The following BNC2 variants were observed in gnomAD, a reference collection of about 807,000 sequenced individuals.
The protein encoded by BNC2 is basonuclin zinc finger protein 2.
Under a neutral mutation model 76.3 loss-of-function variants are expected in BNC2, and 20 were observed. The observed-to-expected ratio is 0.26, with a 90% CI of 0.18 to 0.38. BNC2 has a LOEUF of 0.38. Ranked by LOEUF, BNC2 falls within the 10% of genes least tolerant of loss-of-function variation. The pLI is 1.00. For synonymous variants in BNC2, 582 were observed against 514.8 expected (o/e 1.13, Z -1.77); for missense variants, 1,382 against 1,399.8 (o/e 0.99, Z 0.20).
At chr9:16,788,647 C>G (rs1384077750) in intron 1 of BNC2, among the ~76,000 whole-genome samples, 1 of 151,468 alleles carries the variant, frequency 6.6e-6, no homozygotes, top group Non-Finnish European at 1.5e-5. Flanking sequence ...GGAGCAAATT[C>G]TTGGTGGTGA....
At chr9:16,539,758 GGAAAGGAAAAGAAAGGA>G (rs1563830984) in intron 5 of BNC2, among the ~76,000 whole-genome samples, 38 of 86,114 alleles carry the variant, frequency 4.4e-4, no homozygotes, top group African/African-American at 8.1e-4. Context: ...GGGAAGGAAA[GGAAAGGAAAAGAAAGGA>G]AAGGAAAGGA....
intron 5 of BNC2, among the ~76,000 whole-genome samples, chr9:16,479,756 GCATTT>G (rs779655082): frequency 6.7e-5 from 10 of 149,446 alleles, no homozygotes; most frequent in African/African-American, 2.5e-4. Context: ...AATTTTGCTT[GCATTT>G]AAGATCTGAC....
intron 3 of BNC2, among the ~76,000 whole-genome samples, chr9:16,629,959 C>A (rs1286812218): frequency 6.6e-6 from 1 of 152,142 alleles, no homozygotes; most frequent in Admixed American, 6.5e-5. Flanking sequence ...CTCTTCCATT[C>A]AGAAAAGATT....
intron 4 of BNC2, among the ~76,000 whole-genome samples, chr9:16,553,101 G>C (rs541513482): frequency 1.3e-5 from 2 of 152,078 alleles, no homozygotes; most frequent in Admixed American, 6.6e-5. Context: ...TTTGTTAACT[G>C]AACTGTGTTT....
intron 3 of BNC2, among the ~76,000 whole-genome samples, chr9:16,603,325 C>T (rs182744295): frequency 6.6e-6 from 1 of 152,144 alleles, no homozygotes; most frequent in Non-Finnish European, 1.5e-5. Context: ...TAATGTTATA[C>T]AAGAAAACTT....
chr9:16,794,496 T>G (rs1436618924), intron 1 of BNC2, among the ~76,000 whole-genome samples: 1 of 152,190 alleles, frequency 6.6e-6, no homozygotes, highest in Non-Finnish European at 1.5e-5. Context: ...TTCACCTCAA[T>G]TATTCTAAAA....
In BNC2 at chr9:16,663,130, C is replaced by CTTTTTTTTTTTTTTTTTTTT. The variant is rs71325979; in HGVS notation, c.330+64666_330+64667insAAAAAAAAAAAAAAAAAAAA. ...CCATAGGCACTCCACTCTGTTTACT[C>CTTTTTTTTTTTTTTTTTTTT]TTTTTTTTTTTTTTTTGGAGACGGA... On this transcript the variant is annotated intron_variant, in intron 3 of 6. Transcript: ENST00000380672. Among the ~76,000 whole-genome samples, 58 of 99,602 alleles carry CTTTTTTTTTTTTTTTTTTTT rather than the reference C, an allele frequency of 5.8e-4. 3 individuals are homozygous for CTTTTTTTTTTTTTTTTTTTT. Among genetic ancestry groups the CTTTTTTTTTTTTTTTTTTTT allele is most frequent in the African/African-American group, 1.6e-3 (45 of 27,940 alleles). 65.3% of individuals were successfully genotyped at this position (99,602 alleles called of 152,430 possible).
rs866176261 is a variant in BNC2 at position 16,795,399 on chromosome 9, T to A, written c.4-56914A>T. Reference sequence around the variant, plus strand: ...TAATTCTGGCTTTTTTTTTTTTTTTTAAACACACTCCAGAAGTCATTGCAA... The same window carrying A: ...TAATTCTGGCTTTTTTTTTTTTTTTAAAACACACTCCAGAAGTCATTGCAA... On this transcript the variant is annotated intron_variant, in intron 1 of 6. Transcript: ENST00000380672. Among the ~76,000 whole-genome samples, 151 of 125,060 alleles carry A rather than the reference T, an allele frequency of 1.2e-3. 1 individual carries two copies. In the South Asian group the frequency reaches 0.018, roughly 15 times the overall value. 82.0% of individuals were successfully genotyped at this position (125,060 alleles called of 152,430 possible). A position where few individuals can be genotyped will look rare whatever the true frequency, so the allele number is the denominator to read the frequency against.
At chr9:16,790,833 T>TTC (rs1817484473) in intron 1 of BNC2, among the ~76,000 whole-genome samples, 1 of 151,368 alleles carries the variant, frequency 6.6e-6, no homozygotes, top group African/African-American at 2.4e-5. Context: ...TTTTTTTTTT[T>TTC]TTTAAGAATG....
Position 16,468,384 on chromosome 9 carries a change from ATCTT to A in BNC2, c.670-30864_670-30861del, listed in dbSNP as rs550495471. The stretch of plus-strand genomic sequence containing the variant: ...TTCTGCTAGGTATTTTATATGCAGT[ATCTT>A]TATTTTTTTTTATTTTTTATTTTTT... On this transcript the variant is annotated intron_variant, in intron 5 of 6. Transcript: ENST00000380672. Among the ~76,000 whole-genome samples, 137 of 151,660 alleles carry A rather than the reference ATCTT, an allele frequency of 9.0e-4. 1 individual carries two copies. The highest frequency in any genetic ancestry group is 1.6e-3 in the Non-Finnish European group (108 of 67,892).
At chr9:16,445,769 C>T (rs1020075803) in intron 5 of BNC2, among the ~76,000 whole-genome samples, 4 of 152,156 alleles carry the variant, frequency 2.6e-5, no homozygotes, top group African/African-American at 7.2e-5. Context: ...AATATGCTTT[C>T]CTCATCCACC....
chr9:16,785,165 C>A (rs570876961), intron 1 of BNC2, among the ~76,000 whole-genome samples: 1 of 152,120 alleles, frequency 6.6e-6, no homozygotes, highest in Non-Finnish European at 1.5e-5. Context: ...ACCCACTAGG[C>A]GAGGTTAATA....
chr9:16,846,630 A>C (rs1392927951), intron 1 of BNC2, among the ~76,000 whole-genome samples: 1 of 152,218 alleles, frequency 6.6e-6, no homozygotes, highest in Non-Finnish European at 1.5e-5. Flanking sequence ...ATTTTCATAC[A>C]AGCTGGTGCA....
intron 1 of BNC2, among the ~76,000 whole-genome samples, chr9:16,824,741 G>A (rs1473867191): frequency 6.6e-6 from 1 of 152,156 alleles, no homozygotes; most frequent in Admixed American, 6.5e-5. Flanking sequence ...GAGCCACAGA[G>A]GGAACCTGTT....
At chr9:16,690,404 C>G (rs989490287) in intron 3 of BNC2, among the ~76,000 whole-genome samples, 2 of 152,102 alleles carry the variant, frequency 1.3e-5, no homozygotes, top group Non-Finnish European at 2.9e-5. Context: ...TTAAAAGGAG[C>G]CGTGAGTGTG....
intron 3 of BNC2, among the ~76,000 whole-genome samples, chr9:16,589,324 T>C (rs190744401): frequency 7.2e-5 from 11 of 152,086 alleles, no homozygotes; most frequent in Non-Finnish European, 1.3e-4. Context: ...TAGCTGGGAC[T>C]ACAGGTGCAC....
At chr9:16,556,637 G>A (rs1379410886) in intron 4 of BNC2, among the ~76,000 whole-genome samples, 1 of 144,354 alleles carries the variant, frequency 6.9e-6, no homozygotes, top group Non-Finnish European at 1.5e-5. Context: ...GCATGATGGT[G>A]CGCGCCTGTA....
At chr9:16,616,688 C>CA (rs112502957) in intron 3 of BNC2, among the ~76,000 whole-genome samples, 2,416 of 73,640 alleles carry the variant, frequency 0.033, 50 homozygotes, top group African/African-American at 0.077. Flanking sequence ...GATCCTCTCT[C>CA]AAAAAAAAAA....
At chr9:16,706,874 T>C (rs961700963) in intron 3 of BNC2, among the ~76,000 whole-genome samples, 7 of 152,158 alleles carry the variant, frequency 4.6e-5, no homozygotes, top group Non-Finnish European at 1.0e-4. Flanking sequence ...AAATTGCAAA[T>C]GCTGAAATCA....
Sources: gnomAD v4.1 joint callset for allele counts (sites outside exome capture counted in the v4.1 genomes callset) on GRCh38, gnomAD v4.1.1 for gene constraint, MANE v1.5 for transcripts, NCBI Gene and HGNC (gene_info 2026-07-23, HGNC 2026-07-21) for gene names.